CLSTN2: variants seen among roughly 807,000 people sequenced by gnomAD.
CLSTN2 encodes the protein calsyntenin 2, also known as calsyntenin-2.
In CLSTN2, 48 loss-of-function variants were observed where a neutral mutation model predicts 101.2. That is an observed-to-expected ratio of 0.47 (90% CI 0.38 to 0.60). The LOEUF is 0.60. Among genes scored for constraint, CLSTN2 ranks in the 20% least tolerant of loss-of-function variants. The pLI is 0.00. For synonymous variants in CLSTN2, 481 were observed against 463.6 expected (o/e 1.04, Z -0.48); for missense variants, 1,160 against 1,238.2 (o/e 0.94, Z 0.95).
intron 2 of CLSTN2, among the ~76,000 whole-genome samples, chr3:140,237,869 T>C (rs4345033): frequency 0.26 from 39,708 of 152,026 alleles, 5,730 homozygotes; most frequent in Non-Finnish European, 0.33. Context: ...CACAGAGAGA[T>C]TGAATAATTT....
At chr3:140,431,320 A>T (rs566994833) in intron 5 of CLSTN2, among the ~76,000 whole-genome samples, 1 of 152,314 alleles carries the variant, frequency 6.6e-6, no homozygotes, top group African/African-American at 2.4e-5. Context: ...TGGGCCAGAG[A>T]AACACAAAGT....
intron 8 of CLSTN2, among the ~76,000 whole-genome samples, chr3:140,493,003 A>C (rs1342028161): frequency 6.6e-6 from 1 of 151,540 alleles, no homozygotes; most frequent in Non-Finnish European, 1.5e-5. Flanking sequence ...AATTGTTACA[A>C]TCAACCATGG....
In CLSTN2 at chr3:140,455,658, G is replaced by A. The variant is rs1313777265; in HGVS notation, c.974-3863G>A. Among the ~76,000 whole-genome samples the A allele has an allele frequency of 2.6e-5, 4 of 152,096 alleles. No homozygotes were observed. The East Asian group carries it at 5.8e-4, about 22-fold the overall frequency. On this transcript the variant is annotated intron_variant, in intron 6 of 16. Coordinates refer to ENST00000458420, the MANE Select transcript of CLSTN2 (RefSeq NM_022131.3). ...GGGACCTTCACGGAGGATTCCAAAG[G>A]AGCATCTTAAATACACCCTGATGTG...
intron 2 of CLSTN2, among the ~76,000 whole-genome samples, chr3:140,372,462 A>C (rs986644052): frequency 6.6e-6 from 1 of 152,124 alleles, no homozygotes; most frequent in Non-Finnish European, 1.5e-5. Flanking sequence ...GGGATGAGCA[A>C]AGTATCCCTT....
At chr3:140,124,945 A>G (rs1244640588) in intron 1 of CLSTN2, among the ~76,000 whole-genome samples, 1 of 152,152 alleles carries the variant, frequency 6.6e-6, no homozygotes, top group Non-Finnish European at 1.5e-5. Flanking sequence ...GCCATAGGAG[A>G]AGGAAACCAA....
At chr3:140,297,304 G>T (rs753540819) in intron 2 of CLSTN2, among the ~76,000 whole-genome samples, 5 of 152,138 alleles carry the variant, frequency 3.3e-5, no homozygotes, top group Non-Finnish European at 7.3e-5. Flanking sequence ...AGAATCTCAT[G>T]CCCACTGCTT....
intron 2 of CLSTN2, among the ~76,000 whole-genome samples, chr3:140,318,969 A>G (rs2087257193): frequency 3.3e-5 from 5 of 152,216 alleles, no homozygotes; most frequent in Admixed American, 3.3e-4. Flanking sequence ...AAATTTCTGC[A>G]TATTACTGTG....
intron 2 of CLSTN2, among the ~76,000 whole-genome samples, chr3:140,305,275 A>G (rs2087101813): frequency 6.6e-6 from 1 of 152,102 alleles, no homozygotes; most frequent in South Asian, 2.1e-4. Flanking sequence ...TAGCCTGTTC[A>G]TGCTCATTTC....
intron 2 of CLSTN2, among the ~76,000 whole-genome samples, chr3:140,286,730 G>T (rs1046753979): frequency 1.3e-5 from 2 of 152,174 alleles, no homozygotes; most frequent in African/African-American, 4.8e-5. Context: ...GGAGGAGCCT[G>T]CTCCACTTCA....
At chr3:140,563,257 A>G (rs1441714409) in intron 15 of CLSTN2, 54 bp downstream of exon 15, 2 of 1,584,728 alleles carry the variant, frequency 1.3e-6, no homozygotes, top group Non-Finnish European at 1.7e-6. Context: ...TTGTGACTCA[A>G]GATTATCTAC....
At chr3:140,356,173 C>A (rs747303911) in intron 2 of CLSTN2, among the ~76,000 whole-genome samples, 1 of 152,154 alleles carries the variant, frequency 6.6e-6, no homozygotes, top group South Asian at 2.1e-4. Context: ...CAGCAGTTTG[C>A]AGAGCCTTGG....
chr3:139,962,800 G>A (rs114858406), intron 1 of CLSTN2, among the ~76,000 whole-genome samples: 1,715 of 152,142 alleles, frequency 0.011, 32 homozygotes, highest in African/African-American at 0.037. Flanking sequence ...TTCAGCTGAT[G>A]GACATTTAGA....
chr3:140,556,455 A>AT, intron 10 of CLSTN2, 58 bp from the exon 11 acceptor site: 1 of 1,586,520 alleles, frequency 6.3e-7, no homozygotes, highest in Non-Finnish European at 8.6e-7. Flanking sequence ...AAGTGCTCCC[A>AT]TAAAACCATG....
chr3:140,400,389 G>T (rs1366500258), intron 2 of CLSTN2, among the ~76,000 whole-genome samples: 2 of 152,104 alleles, frequency 1.3e-5, no homozygotes, highest in Admixed American at 1.3e-4. Flanking sequence ...CAAAACAGAG[G>T]TTCAAAGATA....
At chr3:140,475,518 G>A (rs932909596) in intron 8 of CLSTN2, among the ~76,000 whole-genome samples, 2 of 152,176 alleles carry the variant, frequency 1.3e-5, no homozygotes, top group Non-Finnish European at 2.9e-5. Context: ...CTATTCTAAA[G>A]AAGAATCCAC....
At chr3:140,156,197 G>A (rs773750851) in intron 1 of CLSTN2, among the ~76,000 whole-genome samples, 11 of 152,288 alleles carry the variant, frequency 7.2e-5, no homozygotes, top group Admixed American at 1.3e-4. Flanking sequence ...TGTTGAGAAA[G>A]AGTCTGAGGT....
chr3:140,185,004 G>A (rs1208858357), intron 2 of CLSTN2, among the ~76,000 whole-genome samples: 1 of 152,120 alleles, frequency 6.6e-6, no homozygotes, highest in East Asian at 1.9e-4. Context: ...CTGATATCCT[G>A]CTGGAAAAAT....
intron 1 of CLSTN2, among the ~76,000 whole-genome samples, chr3:140,042,526 T>C (rs973048249): frequency 3.9e-5 from 6 of 151,900 alleles, no homozygotes; most frequent in African/African-American, 1.4e-4. Context: ...GTTTCTTTTA[T>C]TATTATTATT....
At chr3:140,036,690 T>C (rs965135489) in intron 1 of CLSTN2, among the ~76,000 whole-genome samples, 1 of 151,942 alleles carries the variant, frequency 6.6e-6, no homozygotes, top group African/African-American at 2.4e-5. Flanking sequence ...CACCCATCCC[T>C]GTTGTTCTGA....
Sources: gnomAD v4.1 joint callset for allele counts (sites outside exome capture counted in the v4.1 genomes callset) on GRCh38, gnomAD v4.1.1 for gene constraint, MANE v1.5 for transcripts, NCBI Gene and HGNC (gene_info 2026-07-23, HGNC 2026-07-21) for gene names.